Variants in GABRB2 observed in about 807,000 individuals in gnomAD.
The protein encoded by GABRB2 is gamma-aminobutyric acid type A receptor subunit beta2, also known as gamma-aminobutyric acid receptor subunit beta-2.
A neutral mutation model predicts 54.7 loss-of-function variants in GABRB2; 16 were observed. That is an observed-to-expected ratio of 0.29 (90% confidence interval 0.20 to 0.44). The LOEUF (loss-of-function observed/expected upper bound fraction) is 0.44, where lower values mean the gene tolerates loss of function less well. GABRB2 is among the 20% of genes least tolerant of loss of function. GABRB2 has a pLI of 1.00. For synonymous variants in GABRB2, 244 were observed against 233.8 expected (o/e 1.04, Z -0.40); for missense variants, 355 against 644.0 (o/e 0.55, Z 4.86).
intron 4 of GABRB2, among the ~76,000 whole-genome samples, chr5:161,424,411 T>C (rs1005243313): frequency 6.6e-6 from 1 of 152,096 alleles, no homozygotes. Context: ...TTAAGTTGAA[T>C]GTAGGGCTCA....
At chr5:161,328,597 C>A (rs1455844653) in intron 8 of GABRB2, among the ~76,000 whole-genome samples, 1 of 152,138 alleles carries the variant, frequency 6.6e-6, no homozygotes, top group African/African-American at 2.4e-5. Flanking sequence ...TTGTTCTAAA[C>A]CATGACTCAT....
At chr5:161,319,263 A>G (rs1758137652) in intron 9 of GABRB2, among the ~76,000 whole-genome samples, 1 of 151,174 alleles carries the variant, frequency 6.6e-6, no homozygotes, top group Non-Finnish European at 1.5e-5. Context: ...AAATAAACAC[A>G]GAGACCCAGG....
At chr5:161,499,204 T>C (rs963067549) in intron 3 of GABRB2, among the ~76,000 whole-genome samples, 7 of 152,148 alleles carry the variant, frequency 4.6e-5, no homozygotes, top group African/African-American at 1.7e-4. Context: ...GTGTTGGGGC[T>C]GATCACCCCA....
intron 3 of GABRB2, among the ~76,000 whole-genome samples, chr5:161,487,450 C>T (rs1366575443): frequency 6.6e-6 from 1 of 151,836 alleles, no homozygotes; most frequent in Non-Finnish European, 1.5e-5. Flanking sequence ...TGTAAACATA[C>T]TACTATTTGG....
intron 3 of GABRB2, among the ~76,000 whole-genome samples, chr5:161,510,471 T>C (rs1759735469): frequency 6.6e-6 from 1 of 151,962 alleles, no homozygotes; most frequent in Non-Finnish European, 1.5e-5. Context: ...CTACATTGTG[T>C]ACATGTACCA....
chr5:161,312,179 T>G (rs6898366), intron 9 of GABRB2, among the ~76,000 whole-genome samples: 2,958 of 152,330 alleles, frequency 0.019, 46 homozygotes, highest in Non-Finnish European at 0.032. Context: ...ATGGCTTCTG[T>G]GCATTTGGCC....
intron 5 of GABRB2, among the ~76,000 whole-genome samples, chr5:161,395,303 C>T (rs1755960990): frequency 6.6e-6 from 1 of 152,012 alleles, no homozygotes; most frequent in South Asian, 2.1e-4. Flanking sequence ...TAGTGATGAC[C>T]TGAGTTTGAA....
chr5:161,540,184 C>A (rs1039534163), intron 3 of GABRB2, among the ~76,000 whole-genome samples: 2 of 152,236 alleles, frequency 1.3e-5, no homozygotes, highest in African/African-American at 4.8e-5. Flanking sequence ...CCTCTCAAAT[C>A]TGGCTGCCGC....
In GABRB2 at chr5:161,326,430, C is replaced by G; in HGVS notation, c.1129G>C (p.Asp377His). ...QNGTQYRSLW[D>H]PTGNLSPTRR... ...GTTGGGGAGAGGTTTCCAGTAGGGT[C>G]CCACAAGGATCGATATTGGGTCCCA... is the stretch of plus-strand genomic sequence containing the variant. The change falls in exon 9 of 10, where the codon GAC (aspartate) becomes CAC (histidine). Residue 377 changes from aspartate (D) to histidine (H), a missense_variant. Asp to His is a moderately conservative substitution (Grantham distance 81). Around this residue, in one of 6 missense-constraint regions of GABRB2, gnomAD observed 201 missense variants for 228.1 expected, o/e 0.88. Coordinates refer to ENST00000393959, the MANE Select transcript of GABRB2 (RefSeq NM_001371727.1). 1 of 1,613,468 alleles carries G rather than the reference C, an allele frequency of 6.2e-7. No homozygotes were observed. The highest frequency in any genetic ancestry group is 8.5e-7 in the Non-Finnish European group (1 of 1,179,640).
At chr5:161,302,644 T>C (rs570882181) in intron 9 of GABRB2, among the ~76,000 whole-genome samples, 2 of 152,170 alleles carry the variant, frequency 1.3e-5, no homozygotes, top group African/African-American at 4.8e-5. Context: ...CTGTGACTTG[T>C]GTGTGGGTAG....
chr5:161,442,304 G>GA, intron 4 of GABRB2, among the ~76,000 whole-genome samples: 1 of 151,994 alleles, frequency 6.6e-6, no homozygotes. Context: ...ATGAATGAAT[G>GA]AAAAAAATAA....
chr5:161,497,040 G>C (rs1423255209), intron 3 of GABRB2, among the ~76,000 whole-genome samples: 6 of 152,006 alleles, frequency 3.9e-5, no homozygotes, highest in Non-Finnish European at 1.5e-5. Context: ...ACATTTAAGG[G>C]GAGACATCCC....
intron 4 of GABRB2, among the ~76,000 whole-genome samples, chr5:161,425,473 T>A (rs1470682730): frequency 6.6e-6 from 1 of 152,128 alleles, no homozygotes; most frequent in Admixed American, 6.6e-5. Context: ...CACTGAAGTC[T>A]CAGATGATCA....
chr5:161,513,084 G>T (rs946165744), intron 3 of GABRB2, among the ~76,000 whole-genome samples: 22 of 151,642 alleles, frequency 1.5e-4, no homozygotes, highest in African/African-American at 5.3e-4. Flanking sequence ...AACAAGAGAT[G>T]CTGGTGGGGC....
intron 3 of GABRB2, among the ~76,000 whole-genome samples, chr5:161,483,139 G>A (rs1758815032): frequency 6.6e-6 from 1 of 151,976 alleles, no homozygotes; most frequent in Non-Finnish European, 1.5e-5. Context: ...ACTGTGTAAT[G>A]AGTAGGAACT....
chr5:161,350,340 TAA>T (rs1314668888), intron 5 of GABRB2, among the ~76,000 whole-genome samples: 1 of 152,012 alleles, frequency 6.6e-6, no homozygotes, highest in African/African-American at 2.4e-5. Flanking sequence ...ACAAATTCAA[TAA>T]AGACTCAAGA....
At chr5:161,365,965 G>T (rs774188948) in intron 5 of GABRB2, among the ~76,000 whole-genome samples, 1 of 151,186 alleles carries the variant, frequency 6.6e-6, no homozygotes, top group Non-Finnish European at 1.5e-5. Context: ...TATGCCTGGG[G>T]TTATACTTAG....
intron 4 of GABRB2, among the ~76,000 whole-genome samples, chr5:161,419,680 C>T (rs953845673): frequency 2.0e-5 from 3 of 152,162 alleles, no homozygotes; most frequent in African/African-American, 7.2e-5. Context: ...GGCTGAAGGC[C>T]ATTATCCTGA....
At chr5:161,341,904 G>A (rs989196865) in intron 5 of GABRB2, among the ~76,000 whole-genome samples, 2 of 142,804 alleles carry the variant, frequency 1.4e-5, no homozygotes, top group African/African-American at 5.2e-5. Context: ...ACATTTAGAA[G>A]AGGTGAATTA....
Sources: allele counts gnomAD v4.1 joint callset (sites outside exome capture counted in the v4.1 genomes callset), GRCh38; gene constraint gnomAD v4.1.1; regional missense constraint gnomAD v4.1.1; transcripts MANE v1.5; gene names NCBI Gene and HGNC (gene_info 2026-07-23, HGNC 2026-07-21).